P2RY8: variants seen among roughly 807,000 people sequenced by gnomAD.
P2RY8 encodes the protein S-geranylgeranyl-glutathione receptor P2RY8.
Under a neutral mutation model 10.0 loss-of-function variants are expected in P2RY8, and 6 were observed. The ratio of observed to expected loss-of-function variants is 0.60; its 90% CI spans 0.33 to 1.19. P2RY8 has a LOEUF of 1.19. P2RY8 is among the 50% of genes most tolerant of loss of function. P2RY8 has a pLI of 0.04. For missense variants in P2RY8, 456 were observed against 542.0 expected, an observed-to-expected ratio of 0.84 and a Z score of 1.58; for synonymous variants, 276 against 252.5, an observed-to-expected ratio of 1.09 and a Z score of -0.88.
intron 1 of P2RY8, among the ~76,000 whole-genome samples, chrX:1,534,686 C>G (rs1207162493): frequency 6.6e-6 from 1 of 151,964 alleles, no homozygotes; most frequent in Non-Finnish European, 1.5e-5. Context: ...AAGGAGAGGG[C>G]GCAGGAGAGA....
chrX:1,515,376 C>CTT (rs751109443), intron 1 of P2RY8, among the ~76,000 whole-genome samples: 76 of 140,940 alleles, frequency 5.4e-4, no homozygotes, highest in Middle Eastern at 3.7e-3. Flanking sequence ...TTCTTTCTTT[C>CTT]TTTTTTTTTT....
chrX:1,491,151 A>C (rs1244146291), intron 1 of P2RY8, among the ~76,000 whole-genome samples: 3 of 151,124 alleles, frequency 2.0e-5, no homozygotes, highest in Non-Finnish European at 4.4e-5. Context: ...GGAATGAATG[A>C]ATGATACCCC....
chrX:1,496,537 G>C, intron 1 of P2RY8, among the ~76,000 whole-genome samples: 1 of 152,148 alleles, frequency 6.6e-6, no homozygotes, highest in East Asian at 1.9e-4. Context: ...ACTTCTTGGA[G>C]CCTCTGTCCT....
chrX:1,531,787 C>T (rs185346876), intron 1 of P2RY8, among the ~76,000 whole-genome samples: 13 of 152,218 alleles, frequency 8.5e-5, no homozygotes, highest in East Asian at 7.7e-4. Flanking sequence ...GGTCCCAGCC[C>T]GGCTCAGCGG....
At chrX:1,472,594 G>C (rs2091802794) in intron 1 of P2RY8, among the ~76,000 whole-genome samples, 1 of 103,462 alleles carries the variant, frequency 9.7e-6, no homozygotes, top group South Asian at 4.1e-4. Flanking sequence ...TGGATGGCTG[G>C]ATCAGTGTTT....
chrX:1,467,400 G>A (rs1316487516), intron 1 of P2RY8, among the ~76,000 whole-genome samples: 2 of 152,050 alleles, frequency 1.3e-5, no homozygotes, highest in African/African-American at 2.4e-5. Context: ...TTTCTGACCC[G>A]CCGGTCCGTG....
At chrX:1,470,837 AT>A (rs1166098896) in intron 1 of P2RY8, among the ~76,000 whole-genome samples, 1,461 of 129,468 alleles carry the variant, frequency 0.011, 3 homozygotes, top group African/African-American at 0.023. Flanking sequence ...GTTCTTTCTG[AT>A]TTTTTTTTTT....
chrX:1,492,168 TA>T (rs1426766078), intron 1 of P2RY8, among the ~76,000 whole-genome samples: 6 of 151,774 alleles, frequency 4.0e-5, no homozygotes, highest in African/African-American at 1.2e-4. Context: ...TCACTGAGGA[TA>T]GGGGGGTGTG....
In P2RY8 at chrX:1,509,757, C is replaced by CTATG. The variant is rs1348095186; in HGVS notation, c.-25+27163_-25+27164insCATA. On this transcript the variant is annotated intron_variant, in intron 1 of 1. Coordinates refer to ENST00000381297, the MANE Select transcript of P2RY8 (RefSeq NM_178129.5). Reference sequence around the variant, plus strand: ...TCTATCTATGTATCTATCTGTCTATCTATCTATCTATCTATCTATCTATCA... The same window carrying CTATG: ...TCTATCTATGTATCTATCTGTCTATCTATGTATCTATCTATCTATCTATCTATCA... Among the ~76,000 whole-genome samples the CTATG allele has an allele frequency of 1.1e-3, 126 of 117,272 alleles. 1 individual carries two copies. Among genetic ancestry groups the CTATG allele is most frequent in the Non-Finnish European group, 1.4e-3 (78 of 56,174 alleles). The allele number at this position is 117,272 out of a possible 152,430, so 76.9% of individuals were successfully genotyped here.
chrX:1,480,070 A>G (rs1469271071), intron 1 of P2RY8, among the ~76,000 whole-genome samples: 1 of 152,198 alleles, frequency 6.6e-6, no homozygotes, highest in African/African-American at 2.4e-5. Flanking sequence ...GGAAGAAATT[A>G]TATTGATTCT....
At chrX:1,510,220 T>C (rs2092289050) in intron 1 of P2RY8, among the ~76,000 whole-genome samples, 1 of 152,168 alleles carries the variant, frequency 6.6e-6, no homozygotes, top group Non-Finnish European at 1.5e-5. Flanking sequence ...TCAATATCTA[T>C]CAATCATCGA....
Position 1,537,025 on chromosome X carries a change from G to T in P2RY8, c.-129C>A, listed in dbSNP as rs1207706257. 1 of 231,926 alleles carries T rather than the reference G, an allele frequency of 4.3e-6. No individual in the cohort carries two copies. Among genetic ancestry groups the T allele is most frequent in the East Asian group, 6.1e-5 (1 of 16,432 alleles). The allele number at this position is 231,926 out of a possible 1,614,324, so 14.4% of individuals were successfully genotyped here. The stretch of plus-strand genomic sequence containing the variant: ...GGCCGTGCCTCAGAGCCCGGGACTC[G>T]GGGGGCCAGCCACCAGCTTGCAAGC... On this transcript the variant is annotated 5_prime_UTR_variant, in exon 1 of 2. Coordinates refer to ENST00000381297, the MANE Select transcript of P2RY8 (RefSeq NM_178129.5).
rs192322179 is a variant in P2RY8, at chrX:1,503,667, G to C, written c.-25+33254C>G. Among the ~76,000 whole-genome samples the C allele has an allele frequency of 6.3e-3, 954 of 151,920 alleles. 9 individuals are homozygous for C. Among genetic ancestry groups the C allele is most frequent in the African/African-American group, 0.021 (890 of 41,420 alleles). Reference sequence around the variant, plus strand: ...CCCAGCACTTTGGGAGGCCGAGGCGGGTGGATCATCTGAGGTCAGGAGTTC... The same window carrying C: ...CCCAGCACTTTGGGAGGCCGAGGCGCGTGGATCATCTGAGGTCAGGAGTTC... On this transcript the variant is annotated intron_variant, in intron 1 of 1. Transcript: ENST00000381297.
intron 1 of P2RY8, among the ~76,000 whole-genome samples, chrX:1,497,706 CTGTT>C (rs1485739001): frequency 1.5e-4 from 23 of 151,980 alleles, no homozygotes; most frequent in Admixed American, 3.3e-4. Flanking sequence ...ATGGCCTTTT[CTGTT>C]TGTTATTACG....
rs1304232121 is a variant in P2RY8 at position 1,465,473 on chromosome X, C to T, written c.*6G>A. The T allele has an allele frequency of 6.3e-7, 1 of 1,592,758 alleles. No homozygotes were observed. The highest frequency in any genetic ancestry group is 8.5e-7 in the Non-Finnish European group (1 of 1,169,910). On this transcript the variant is annotated 3_prime_UTR_variant, in exon 2 of 2. Transcript: ENST00000381297. ...CCCCCGGCTCTCCAAGCTGCGCCCCCGGGACTCAGAACACACTCTCCTGCC... is the reference window on the plus strand; with the variant it reads ...CCCCCGGCTCTCCAAGCTGCGCCCCTGGGACTCAGAACACACTCTCCTGCC...
At chrX:1,506,634 C>A (rs1372334325) in intron 1 of P2RY8, among the ~76,000 whole-genome samples, 2 of 151,914 alleles carry the variant, frequency 1.3e-5, no homozygotes, top group African/African-American at 4.8e-5. Context: ...CTCAGAGGGA[C>A]CCTGGACATT....
At chrX:1,515,713 T>C (rs1175012326) in intron 1 of P2RY8, among the ~76,000 whole-genome samples, 2 of 151,898 alleles carry the variant, frequency 1.3e-5, no homozygotes, top group Non-Finnish European at 2.9e-5. Flanking sequence ...TCCTATACCC[T>C]CTGGCTCTTA....
intron 1 of P2RY8, among the ~76,000 whole-genome samples, chrX:1,525,837 G>A (rs57282911): frequency 0.024 from 3,527 of 147,412 alleles, 156 homozygotes; most frequent in African/African-American, 0.085. Flanking sequence ...ATTTATTCAT[G>A]CATCCATTCA....
intron 1 of P2RY8, among the ~76,000 whole-genome samples, chrX:1,467,593 A>C (rs1203677304): frequency 6.6e-6 from 1 of 152,238 alleles, no homozygotes; most frequent in Non-Finnish European, 1.5e-5. Context: ...GTGATGAAAA[A>C]GTGTCTGTCA....
Sources: gnomAD v4.1 joint callset for allele counts (sites outside exome capture counted in the v4.1 genomes callset) on GRCh38, gnomAD v4.1.1 for gene constraint, MANE v1.5 for transcripts, NCBI Gene and HGNC (gene_info 2026-07-23, HGNC 2026-07-21) for gene names.